TTC27: variants seen among roughly 807,000 people sequenced by gnomAD.
TTC27 encodes tetratricopeptide repeat domain 27.
In TTC27, 79 loss-of-function variants were observed where a neutral mutation model predicts 115.9. The ratio of observed to expected loss-of-function variants is 0.68; its 90% CI spans 0.57 to 0.82. The LOEUF (loss-of-function observed/expected upper bound fraction) is 0.82. Among genes scored for constraint, TTC27 ranks in the 40% least tolerant of loss-of-function variants. The pLI, the probability that TTC27 is intolerant of heterozygous loss-of-function variation, is 0.00. For synonymous variants in TTC27, 401 were observed against 356.0 expected, an observed-to-expected ratio of 1.13 and a Z score of -1.42; for missense variants, 1,054 against 993.1, an observed-to-expected ratio of 1.06 and a Z score of -0.82.
At chr2:32,733,959 C>A in intron 11 of TTC27, 36 bp downstream of exon 11, 2 of 1,402,508 alleles carry the variant, frequency 1.4e-6, no homozygotes, top group Admixed American at 1.8e-5. Context: ...ATGGAAATTA[C>A]TTGGCATTAG....
At chr2:32,786,351 C>A (rs1670347243) in intron 15 of TTC27, among the ~76,000 whole-genome samples, 1 of 152,086 alleles carries the variant, frequency 6.6e-6, no homozygotes, top group Non-Finnish European at 1.5e-5. Context: ...GTTGGCCAGG[C>A]TGGTCTCGAA....
At chr2:32,667,032 A>G (rs1023897824) in intron 7 of TTC27, among the ~76,000 whole-genome samples, 9 of 151,990 alleles carry the variant, frequency 5.9e-5, no homozygotes, top group African/African-American at 2.2e-4. Flanking sequence ...TTCAATAACT[A>G]TGAATTAATG....
chr2:32,745,519 A>T (rs1668794170), intron 12 of TTC27, among the ~76,000 whole-genome samples: 1 of 152,156 alleles, frequency 6.6e-6, no homozygotes, highest in African/African-American at 2.4e-5. Context: ...TTTTCAGAAG[A>T]TCAGGGAAGG....
intron 16 of TTC27, among the ~76,000 whole-genome samples, 194 bp downstream of exon 16, chr2:32,787,343 T>C (rs1374298174): frequency 1.3e-5 from 2 of 152,212 alleles, no homozygotes; most frequent in Non-Finnish European, 2.9e-5. Context: ...AATTTGTTTG[T>C]ACAGTCATAA....
chr2:32,633,004 A>G (rs1664273741), intron 2 of TTC27, among the ~76,000 whole-genome samples: 1 of 152,248 alleles, frequency 6.6e-6, no homozygotes, highest in African/African-American at 2.4e-5. Flanking sequence ...TGAAAAATAG[A>G]GTTTTCACTA....
chr2:32,706,747 A>G (rs71446083), intron 10 of TTC27, among the ~76,000 whole-genome samples: 8,548 of 152,038 alleles, frequency 0.056, 389 homozygotes, highest in East Asian at 0.21. Context: ...TATTTTTAGT[A>G]GAGACAGGGT....
intron 4 of TTC27, among the ~76,000 whole-genome samples, chr2:32,643,695 T>C (rs1052029680): frequency 6.6e-6 from 1 of 152,148 alleles, no homozygotes; most frequent in Non-Finnish European, 1.5e-5. Flanking sequence ...CACTAATGAA[T>C]GAGTGAGACG....
intron 4 of TTC27, among the ~76,000 whole-genome samples, chr2:32,648,592 C>T (rs182301676): frequency 1.3e-5 from 2 of 151,908 alleles, no homozygotes; most frequent in East Asian, 1.9e-4. Flanking sequence ...TTTATATTGG[C>T]TTGTTGTTCC....
intron 16 of TTC27, among the ~76,000 whole-genome samples, chr2:32,796,845 A>G (rs940200743): frequency 6.6e-6 from 1 of 152,106 alleles, no homozygotes; most frequent in Admixed American, 6.6e-5. Context: ...AAATCTGTGT[A>G]TATGGTCAAA....
At chr2:32,643,773 G>C (rs775740318) in intron 4 of TTC27, among the ~76,000 whole-genome samples, 1 of 151,966 alleles carries the variant, frequency 6.6e-6, no homozygotes, top group African/African-American at 2.4e-5. Context: ...AGTGGCTCTC[G>C]CCTGTAATAC....
intron 5 of TTC27, 43 bp from the exon 6 acceptor site, chr2:32,664,260 T>C (rs1267823957): frequency 6.6e-7 from 1 of 1,523,222 alleles, no homozygotes; most frequent in Non-Finnish European, 8.9e-7. Context: ...AATATATTTT[T>C]CTTCTCATCA....
intron 12 of TTC27, among the ~76,000 whole-genome samples, chr2:32,740,710 A>T (rs749931543): frequency 1.3e-5 from 2 of 152,212 alleles, no homozygotes; most frequent in Non-Finnish European, 2.9e-5. Context: ...GCTGGAGTGC[A>T]GTGGCACGAT....
chr2:32,661,224 T>C (rs1166589721), intron 5 of TTC27, among the ~76,000 whole-genome samples: 1 of 152,190 alleles, frequency 6.6e-6, no homozygotes, highest in Non-Finnish European at 1.5e-5. Flanking sequence ...CTTTGTTCTT[T>C]TTGCTTAGGA....
At chr2:32,772,970 G>A (rs1211041011) in intron 13 of TTC27, among the ~76,000 whole-genome samples, 2 of 152,174 alleles carry the variant, frequency 1.3e-5, no homozygotes, top group Non-Finnish European at 2.9e-5. Context: ...GTTACTCAGA[G>A]CCACTTGAAT....
At chr2:32,758,850 T>C (rs149155496) in intron 13 of TTC27, among the ~76,000 whole-genome samples, 3 of 152,278 alleles carry the variant, frequency 2.0e-5, no homozygotes, top group African/African-American at 4.8e-5. Context: ...AGAGCCAAAA[T>C]TGCAGACAGC....
At chr2:32,771,441 A>G (rs1669827347) in intron 13 of TTC27, among the ~76,000 whole-genome samples, 1 of 152,236 alleles carries the variant, frequency 6.6e-6, no homozygotes, top group Non-Finnish European at 1.5e-5. Flanking sequence ...ATTGTGAATT[A>G]TTTGAAAAGA....
intron 10 of TTC27, among the ~76,000 whole-genome samples, chr2:32,728,996 TACACACAC>T (rs35764233): frequency 4.0e-5 from 6 of 150,922 alleles, no homozygotes; most frequent in Non-Finnish European, 7.4e-5. Flanking sequence ...CATCTTCCTA[TACACACAC>T]ACACACACAC....
intron 5 of TTC27, among the ~76,000 whole-genome samples, chr2:32,652,729 T>A (rs1665175913): frequency 6.6e-6 from 1 of 152,216 alleles, no homozygotes; most frequent in African/African-American, 2.4e-5. Context: ...ATTTCATTTT[T>A]AAAATGTTTT....
At chr2:32,752,959 G>A (rs1669067869) in intron 12 of TTC27, among the ~76,000 whole-genome samples, 1 of 152,110 alleles carries the variant, frequency 6.6e-6, no homozygotes, top group African/African-American at 2.4e-5. Flanking sequence ...AAACTTAGTG[G>A]CTTAAAACAA....
Sources: allele counts gnomAD v4.1 joint callset (sites outside exome capture counted in the v4.1 genomes callset), GRCh38; gene constraint gnomAD v4.1.1; transcripts MANE v1.5; gene names NCBI Gene and HGNC (gene_info 2026-07-23, HGNC 2026-07-21).